Variants in FOXP1 observed in about 807,000 individuals in gnomAD.
FOXP1 encodes the protein forkhead box P1.
In FOXP1, 15 loss-of-function variants were observed where a neutral mutation model predicts 98.2. That is an observed-to-expected ratio of 0.15 (90% confidence interval 0.10 to 0.24). The LOEUF is 0.24. FOXP1 is among the 10% of genes least tolerant of loss of function. The probability of loss-of-function intolerance (pLI) is 1.00; values close to 1 mark genes in which losing one functional copy is unlikely to be tolerated. For missense variants in FOXP1, 633 were observed against 848.5 expected (o/e 0.75, Z 3.15); for synonymous variants, 371 against 314.5 (o/e 1.18, Z -1.90).
Position 70,957,194 on chromosome 3 carries a change from C to A in FOXP1, c.*2053G>T, listed in dbSNP as rs1307553494. The A allele has an allele frequency of 8.9e-6, 2 of 223,930 alleles. No homozygotes were observed. The highest frequency in any genetic ancestry group is 4.5e-5 in the African/African-American group (2 of 44,786). 13.9% of individuals were successfully genotyped at this position (223,930 alleles called of 1,614,324 possible). ...TGGGACTCCCTTCCTTCTGTAGCTCCTTTAATATTGTGTCCTATTTTTATC... is the reference window on the plus strand; with the variant it reads ...TGGGACTCCCTTCCTTCTGTAGCTCATTTAATATTGTGTCCTATTTTTATC... On this transcript the variant is annotated 3_prime_UTR_variant, in exon 21 of 21. Coordinates refer to ENST00000649528, the MANE Select transcript of FOXP1 (RefSeq NM_001349338.3).
intron 3 of FOXP1, among the ~76,000 whole-genome samples, chr3:71,419,489 C>T (rs1203939859): frequency 6.6e-6 from 1 of 151,780 alleles, no homozygotes; most frequent in Non-Finnish European, 1.5e-5. Context: ...ATGGGTAAAA[C>T]TGTGCTGGTC....
intron 6 of FOXP1, among the ~76,000 whole-genome samples, chr3:71,140,196 A>T (rs942024299): frequency 3.9e-5 from 6 of 152,194 alleles, no homozygotes; most frequent in African/African-American, 1.4e-4. Context: ...ACATGGTAAG[A>T]TATCTTAGAG....
chr3:71,316,672 T>G (rs541083925), intron 4 of FOXP1, among the ~76,000 whole-genome samples: 5 of 151,826 alleles, frequency 3.3e-5, no homozygotes, highest in East Asian at 3.9e-4. Flanking sequence ...TTTTTTTTTT[T>G]TTTTGAGATG....
At chr3:71,134,439 T>C (rs1400614376) in intron 6 of FOXP1, among the ~76,000 whole-genome samples, 1 of 151,922 alleles carries the variant, frequency 6.6e-6, no homozygotes, top group East Asian at 1.9e-4. Flanking sequence ...TTAGGGGAAG[T>C]GTTAGATAGG....
intron 3 of FOXP1, among the ~76,000 whole-genome samples, chr3:71,447,419 G>T (rs1007543802): frequency 6.6e-6 from 1 of 152,214 alleles, no homozygotes; most frequent in Non-Finnish European, 1.5e-5. Flanking sequence ...GCAACCAGGT[G>T]CCACATGGCT....
intron 11 of FOXP1, among the ~76,000 whole-genome samples, chr3:71,037,436 G>A (rs986674470): frequency 6.6e-6 from 1 of 152,082 alleles, no homozygotes; most frequent in African/African-American, 2.4e-5. Flanking sequence ...ATTAGACAGG[G>A]AAACAAGACA....
chr3:71,158,339 G>A (rs1398238448), intron 6 of FOXP1, among the ~76,000 whole-genome samples: 2 of 152,088 alleles, frequency 1.3e-5, no homozygotes, highest in Non-Finnish European at 2.9e-5. Context: ...GACACAAGTA[G>A]ATGATATAAT....
At chr3:71,193,953 C>A (rs1316886162) in intron 6 of FOXP1, among the ~76,000 whole-genome samples, 1 of 152,190 alleles carries the variant, frequency 6.6e-6, no homozygotes, top group African/African-American at 2.4e-5. Flanking sequence ...CCTTGCTAGT[C>A]ATTTCACATT....
intron 19 of FOXP1, among the ~76,000 whole-genome samples, chr3:70,967,687 G>GTTTTTTTTTTTGTTTTTTTT (rs2035151049): frequency 1.6e-5 from 1 of 61,358 alleles, no homozygotes; most frequent in African/African-American, 5.7e-5. Flanking sequence ...ACTATTATTT[G>GTTTTTTTTTTTGTTTTTTTT]TTTTTTTTTT....
intron 11 of FOXP1, among the ~76,000 whole-genome samples, chr3:71,038,821 G>A (rs1457214519): frequency 6.6e-6 from 1 of 151,762 alleles, no homozygotes; most frequent in African/African-American, 2.4e-5. Context: ...ATGCCACCAT[G>A]GCAGGCTAAT....
intron 2 of FOXP1, among the ~76,000 whole-genome samples, chr3:71,537,918 G>T (rs554220154): frequency 6.6e-6 from 1 of 152,082 alleles, no homozygotes; most frequent in Admixed American, 6.5e-5. Context: ...TTGAAATTTC[G>T]GTATTCATAA....
At chr3:71,461,603 C>A (rs2088119776) in intron 3 of FOXP1, among the ~76,000 whole-genome samples, 1 of 151,922 alleles carries the variant, frequency 6.6e-6, no homozygotes, top group Non-Finnish European at 1.5e-5. Flanking sequence ...GAGTTCAAGA[C>A]CAGCCTGGCC....
intron 11 of FOXP1, among the ~76,000 whole-genome samples, chr3:71,040,080 G>GGTGT (rs111790256): frequency 8.9e-4 from 132 of 147,924 alleles, no homozygotes; most frequent in African/African-American, 2.5e-3. Flanking sequence ...ACTTGAACAT[G>GGTGT]GTGTGTGTGT....
At chr3:71,336,088 G>A (rs1452956812) in intron 4 of FOXP1, among the ~76,000 whole-genome samples, 6 of 129,284 alleles carry the variant, frequency 4.6e-5, no homozygotes, top group African/African-American at 1.8e-4. Flanking sequence ...AGGGAGCAAA[G>A]AAGCTATGAA....
At chr3:71,234,440 C>A (rs2106812847) in intron 5 of FOXP1, among the ~76,000 whole-genome samples, 1 of 152,316 alleles carries the variant, frequency 6.6e-6, no homozygotes, top group East Asian at 1.9e-4. Context: ...AAAGAACTGA[C>A]AATAAAATAT....
At chr3:71,565,383 C>T (rs536000572) in intron 2 of FOXP1, among the ~76,000 whole-genome samples, 31 of 152,220 alleles carry the variant, frequency 2.0e-4, no homozygotes, top group Admixed American at 2.0e-4. Flanking sequence ...GTTACCAATT[C>T]GTTGTGTAAA....
At chr3:71,222,155 A>C (rs1026938435) in intron 5 of FOXP1, among the ~76,000 whole-genome samples, 25 of 152,184 alleles carry the variant, frequency 1.6e-4, no homozygotes, top group East Asian at 3.9e-4. Context: ...CCGTATCAAA[A>C]AAACAAACAA....
chr3:71,278,877 A>G (rs1343795894), intron 5 of FOXP1, among the ~76,000 whole-genome samples: 15 of 151,918 alleles, frequency 9.9e-5, no homozygotes, highest in Admixed American at 9.8e-4. Context: ...TTTAATGAGG[A>G]TCTTTGTTAC....
At chr3:71,416,491 G>A (rs1247974644) in intron 3 of FOXP1, among the ~76,000 whole-genome samples, 2 of 151,448 alleles carry the variant, frequency 1.3e-5, no homozygotes, top group Non-Finnish European at 2.9e-5. Flanking sequence ...GCTGCAGGGA[G>A]CTATGATTAC....
Sources: gnomAD v4.1 joint callset for allele counts (sites outside exome capture counted in the v4.1 genomes callset) on GRCh38, gnomAD v4.1.1 for gene constraint, MANE v1.5 for transcripts, NCBI Gene and HGNC (gene_info 2026-07-23, HGNC 2026-07-21) for gene names.